The following ZNF333 variants were observed in gnomAD, a reference collection of about 807,000 sequenced individuals.
ZNF333 encodes the protein zinc finger protein 333.
A neutral mutation model predicts 76.1 loss-of-function variants in ZNF333; 61 were observed. That is an observed-to-expected ratio of 0.80 (90% CI 0.65 to 0.99). The LOEUF (loss-of-function observed/expected upper bound fraction) is 0.99, where lower values mean the gene tolerates loss of function less well. Among genes scored for constraint, ZNF333 ranks in the 50% least tolerant of loss-of-function variants. The probability of loss-of-function intolerance (pLI) is 0.00; values close to 1 mark genes in which losing one functional copy is unlikely to be tolerated. For missense variants in ZNF333, 717 were observed against 822.4 expected (o/e 0.87, Z 1.57); for synonymous variants, 284 against 305.0 (o/e 0.93, Z 0.72).
intron 1 of ZNF333, among the ~76,000 whole-genome samples, chr19:14,691,063 A>C (rs1425128095): frequency 6.6e-6 from 1 of 152,238 alleles, no homozygotes; most frequent in East Asian, 1.9e-4. Flanking sequence ...ACTGCACTCC[A>C]GCCTGGGTGA....
intron 1 of ZNF333, among the ~76,000 whole-genome samples, chr19:14,691,558 C>T (rs781382352): frequency 6.6e-6 from 1 of 151,812 alleles, no homozygotes; most frequent in African/African-American, 2.4e-5. Context: ...CTTGCCTTGC[C>T]TTTTTAAAAA....
intron 4 of ZNF333, 113 bp from the exon 5 acceptor site, chr19:14,699,086 C>T: frequency 1.5e-6 from 1 of 689,426 alleles, no homozygotes; most frequent in Non-Finnish European, 2.4e-6. Context: ...AAAGAAAAAG[C>T]CTATGTGTGT....
chr19:14,717,380 T>C (rs1431474645), intron 10 of ZNF333: 1 of 541,410 alleles, frequency 1.8e-6, no homozygotes, highest in East Asian at 3.1e-5. Context: ...ATATTTTTCC[T>C]CAACATTAGT....
chr19:14,708,345 G>A (rs2042178075), intron 7 of ZNF333: 3 of 401,122 alleles, frequency 7.5e-6, no homozygotes, highest in Non-Finnish European at 1.3e-5. Context: ...CACCACTACT[G>A]TCATCCGATG....
chr19:14,721,969 G>C (rs1235056289), downstream of ZNF333: 1 of 152,200 alleles, frequency 6.6e-6, no homozygotes, highest in Non-Finnish European at 1.5e-5. Context: ...TTTTGGAGGA[G>C]ACCTATCTTT....
chr19:14,717,019 G>A lies in ZNF333; in HGVS notation c.753G>A (p.Ala251=), dbSNP rs776128581. The A allele has an allele frequency of 2.4e-5, 39 of 1,612,144 alleles. 1 individual carries two copies. The East Asian group carries it at 4.7e-4, about 19-fold the overall frequency. Reference sequence around the variant, plus strand: ...CTGATCAACTGTGCAAACCCAATGCGTTGTCTTATTTGGAAGAAAGAGGAG... The same window carrying A: ...CTGATCAACTGTGCAAACCCAATGCATTGTCTTATTTGGAAGAAAGAGGAG... ...SVADQLCKPN[A]LSYLEERGEQ... The change falls in exon 10 of 12, where the codon GCG becomes GCA. Residue 251 remains alanine (A), a synonymous_variant. Transcript: ENST00000292530.
At position 14,720,669 on chromosome 19, in the gene ZNF333, G is replaced by A. The variant is rs866123259; in HGVS notation, c.*1344G>A. 14 of 985,338 alleles carry A rather than the reference G, an allele frequency of 1.4e-5. No homozygotes were observed. In the African/African-American group the frequency reaches 2.3e-4, roughly 16 times the overall value. 61.0% of individuals were successfully genotyped at this position (985,338 alleles called of 1,614,324 possible). A position where few individuals can be genotyped will look rare whatever the true frequency, so the allele number is the denominator to read the frequency against. ...ATATAATTCCTAACTGATGCACTTA[G>A]TATATGTCAGTTTTTATAAATGCTT... On this transcript the variant is annotated 3_prime_UTR_variant, in exon 12 of 12. Coordinates refer to ENST00000292530, the MANE Select transcript of ZNF333 (RefSeq NM_032433.4).
At chr19:14,698,051 T>C (rs546946928) in intron 4 of ZNF333, among the ~76,000 whole-genome samples, 4 of 152,114 alleles carry the variant, frequency 2.6e-5, no homozygotes, top group Non-Finnish European at 5.9e-5. Context: ...TACATACAGA[T>C]GCTGTCTTCC....
rs574152596 is a variant in ZNF333, at chr19:14,706,003, C to T, written c.424-683C>T. 3.5e-4 allele frequency: 152 copies of T among 433,652 alleles called. 2 individuals are homozygous for T. The highest frequency in any genetic ancestry group is 2.4e-3 in the South Asian group (144 of 59,042). The allele number at this position is 433,652 out of a possible 1,614,324, so 26.9% of individuals were successfully genotyped here. A position where few individuals can be genotyped will look rare whatever the true frequency, so the allele number is the denominator to read the frequency against. Reference sequence around the variant, plus strand: ...CACTCGTCCCTGCCCTGTTCCCTCCCCCGAGGGACCTGCTGCATGTACCCC... The same window carrying T: ...CACTCGTCCCTGCCCTGTTCCCTCCTCCGAGGGACCTGCTGCATGTACCCC... On this transcript the variant is annotated intron_variant, in intron 6 of 11. Coordinates refer to ENST00000292530, the MANE Select transcript of ZNF333 (RefSeq NM_032433.4).
chr19:14,732,634 C>G (rs769265596), exon 12 of ZNF333: 2 of 152,138 alleles, frequency 1.3e-5, no homozygotes, highest in Non-Finnish European at 2.9e-5. Flanking sequence ...TTACATTTTT[C>G]AAATGGGTGA....
At position 14,720,458 on chromosome 19, in the gene ZNF333, A is replaced by G; in HGVS notation, c.*1133A>G. The stretch of plus-strand genomic sequence containing the variant: ...AAGAAGAGGGTGGCCGGAAGTCATA[A>G]CCATCTTGCTTCTGTAATCTAAAAA... On this transcript the variant is annotated 3_prime_UTR_variant, in exon 12 of 12. Coordinates refer to ENST00000292530, the MANE Select transcript of ZNF333 (RefSeq NM_032433.4). 2 of 985,454 alleles carry G rather than the reference A, an allele frequency of 2.0e-6. No homozygotes were observed. The highest frequency in any genetic ancestry group is 2.4e-6 in the Non-Finnish European group (2 of 829,946). 61.0% of individuals were successfully genotyped at this position (985,454 alleles called of 1,614,324 possible).
chr19:14,692,762 C>T (rs1972867300), intron 1 of ZNF333, among the ~76,000 whole-genome samples: 1 of 151,212 alleles, frequency 6.6e-6, no homozygotes, highest in African/African-American at 2.4e-5. Context: ...ATCCACCTGC[C>T]TCGGCCTTCC....
chr19:14,720,052 G>A lies in ZNF333; in HGVS notation c.*727G>A, dbSNP rs554459347. ...AATATAAAAATTAGCCAAGTTTGGT[G>A]GCATGCACCTGTAATCCCAGCTACT... On this transcript the variant is annotated 3_prime_UTR_variant, in exon 12 of 12. Coordinates refer to ENST00000292530, the MANE Select transcript of ZNF333 (RefSeq NM_032433.4). 1.5e-5 allele frequency: 11 copies of A among 739,790 alleles called. No individual in the cohort carries two copies. In the South Asian group the frequency reaches 5.5e-4, roughly 37 times the overall value. 45.8% of individuals were successfully genotyped at this position (739,790 alleles called of 1,614,324 possible).
downstream of ZNF333, among the ~76,000 whole-genome samples, chr19:14,723,196 TG>T (rs1314839686): frequency 6.6e-6 from 1 of 152,234 alleles, no homozygotes; most frequent in Admixed American, 6.5e-5. Flanking sequence ...CCCCATTGAA[TG>T]GTCTTGGCAC....
At chr19:14,728,740 G>A (rs1387434038) in intron 11 of ZNF333, among the ~76,000 whole-genome samples, 1 of 152,210 alleles carries the variant, frequency 6.6e-6, no homozygotes, top group Admixed American at 6.5e-5. Context: ...AATAAATGCT[G>A]GGTGCTGCAA....
In ZNF333 at chr19:14,695,649, G is replaced by A; in HGVS notation, c.211G>A (p.Ala71Thr). Residue 71 changes from alanine to threonine, a missense_variant, in exon 4 of 12, where the codon GCC (alanine) becomes ACC (threonine). Ala to Thr is a moderately conservative substitution (Grantham distance 58). Coordinates refer to ENST00000292530, the MANE Select transcript of ZNF333 (RefSeq NM_032433.4). ...PKATERGILR[A>T]TGVAWESQLK... is the part of the protein sequence containing the mutation. ...GGCAACAGAACGAGGGATTCTCCGT[G>A]CCACAGGTGTTGGTGAGTACCAGGC... The A allele has an allele frequency of 6.2e-7, 1 of 1,614,144 alleles. No homozygotes were observed. The highest frequency in any genetic ancestry group is 2.2e-5 in the East Asian group (1 of 44,880).
intron 4 of ZNF333, among the ~76,000 whole-genome samples, chr19:14,698,915 T>G (rs200770384): frequency 3.7e-4 from 18 of 49,144 alleles, no homozygotes; most frequent in Admixed American, 1.1e-3. Flanking sequence ...TATATATATA[T>G]ATATATATAT....
intron 7 of ZNF333, 112 bp from the exon 8 acceptor site, chr19:14,715,269 AT>A (rs974404582): frequency 3.5e-5 from 28 of 807,278 alleles, no homozygotes; most frequent in Non-Finnish European, 4.9e-5. Context: ...GAGTGTGTGC[AT>A]GTGTGTGTGT....
At chr19:14,702,041 G>A (rs543303099) in intron 5 of ZNF333, 58 of 349,702 alleles carry the variant, frequency 1.7e-4, no homozygotes, top group African/African-American at 1.0e-3. Flanking sequence ...GGCCATGCCA[G>A]GCATCATTGT....
Sources: allele counts gnomAD v4.1 joint callset (sites outside exome capture counted in the v4.1 genomes callset), GRCh38; gene constraint gnomAD v4.1.1; transcripts MANE v1.5; gene names NCBI Gene and HGNC (gene_info 2026-07-23, HGNC 2026-07-21).